The following RSF1 variants were observed in gnomAD, a reference collection of about 807,000 sequenced individuals.
The protein encoded by RSF1 is remodeling and spacing factor 1, also known as HBV pX-associated protein 8.
RSF1 carries 13 observed loss-of-function variants against 145.2 expected under a neutral mutation model. The ratio of observed to expected loss-of-function variants is 0.09; its 90% confidence interval spans 0.06 to 0.14. RSF1 has a LOEUF of 0.14. Ranked by LOEUF, RSF1 falls within the 10% of genes least tolerant of loss-of-function variation. The pLI is 1.00. For synonymous variants in RSF1, 577 were observed against 592.6 expected (o/e 0.97, Z 0.38); for missense variants, 1,517 against 1,718.2 (o/e 0.88, Z 2.07).
chr11:77,843,563 C>A, the RSF1 span, among the ~76,000 whole-genome samples: 1 of 152,158 alleles, frequency 6.6e-6, no homozygotes, highest in Non-Finnish European at 1.5e-5. Context: ...TATCTTGACG[C>A]CTCCACTGTA....
At chr11:77,803,895 C>T (rs182698533) in intron 1 of RSF1, among the ~76,000 whole-genome samples, 2 of 152,300 alleles carry the variant, frequency 1.3e-5, no homozygotes, top group East Asian at 1.9e-4. Context: ...GCCTGAGCAA[C>T]ATAGTGAGAC....
At chr11:77,764,504 T>A (rs1216510449) in intron 2 of RSF1, 94 bp downstream of exon 2, 1 of 741,030 alleles carries the variant, frequency 1.3e-6, no homozygotes, top group Admixed American at 2.4e-5. Context: ...TTTAGTAAAC[T>A]AATTAAAAAT....
chr11:77,855,720 CTTTT>C, the RSF1 span, among the ~76,000 whole-genome samples: 1 of 127,936 alleles, frequency 7.8e-6, no homozygotes. Flanking sequence ...AGTTTTATGT[CTTTT>C]TTTTTTTTTT....
At chr11:77,686,407 T>TGAAAAAAAAAAAAAAAAAAA (rs1565148154) in intron 9 of RSF1, among the ~76,000 whole-genome samples, 1 of 9,598 alleles carries the variant, frequency 1.0e-4, no homozygotes, top group Non-Finnish European at 1.7e-4. Flanking sequence ...AGACCCTGTC[T>TGAAAAAAAAAAAAAAAAAAA]CAAAAAAAAA....
At chr11:77,865,710 G>T in the RSF1 span, among the ~76,000 whole-genome samples, 1 of 152,158 alleles carries the variant, frequency 6.6e-6, no homozygotes. Flanking sequence ...TTTTGGAAAA[G>T]ATTTCCATTT....
intron 1 of RSF1, among the ~76,000 whole-genome samples, chr11:77,777,508 G>A (rs1255785921): frequency 2.6e-5 from 4 of 152,092 alleles, no homozygotes; most frequent in Non-Finnish European, 5.9e-5. Flanking sequence ...AAGGAGAATC[G>A]CTTGAACCTG....
At chr11:77,685,805 T>C (rs1369383639) in intron 9 of RSF1, among the ~76,000 whole-genome samples, 1 of 152,172 alleles carries the variant, frequency 6.6e-6, no homozygotes, top group Non-Finnish European at 1.5e-5. Context: ...ATTAGACAAA[T>C]TAGATCTTTG....
chr11:77,822,070 ATATT>A (rs909041219), upstream of RSF1, among the ~76,000 whole-genome samples: 2 of 152,164 alleles, frequency 1.3e-5, no homozygotes, highest in African/African-American at 4.8e-5. Context: ...GAATTCCGCT[ATATT>A]TATTTAGTCT....
At chr11:77,710,709 T>A (rs1468370933) in intron 5 of RSF1, among the ~76,000 whole-genome samples, 1 of 152,210 alleles carries the variant, frequency 6.6e-6, no homozygotes, top group East Asian at 1.9e-4. Flanking sequence ...TAAAAACTTT[T>A]AATTTATTAG....
chr11:77,669,845 G>C (rs1413715441), intron 15 of RSF1, among the ~76,000 whole-genome samples: 3 of 152,218 alleles, frequency 2.0e-5, no homozygotes, highest in Non-Finnish European at 4.4e-5. Flanking sequence ...CTGTATTACA[G>C]GGCAGGGTGC....
At chr11:77,754,396 G>A (rs929502511) in intron 2 of RSF1, among the ~76,000 whole-genome samples, 2 of 152,000 alleles carry the variant, frequency 1.3e-5, no homozygotes, top group Non-Finnish European at 2.9e-5. Flanking sequence ...GAACCCAGGA[G>A]TTTGAGACCA....
intron 5 of RSF1, chr11:77,717,580 G>A (rs1410398842): frequency 6.6e-6 from 1 of 152,214 alleles, no homozygotes; most frequent in African/African-American, 2.4e-5. Context: ...GAAGGATCCC[G>A]ACAGGGACTA....
At chr11:77,672,284 T>A in intron 14 of RSF1, 54 bp from the exon 15 acceptor site, 1 of 1,386,032 alleles carries the variant, frequency 7.2e-7, no homozygotes, top group Non-Finnish European at 9.8e-7. Context: ...TTTAGAAATG[T>A]AGCTTAGGTT....
chr11:77,849,832 T>C, the RSF1 span, among the ~76,000 whole-genome samples: 2 of 152,240 alleles, frequency 1.3e-5, no homozygotes, highest in East Asian at 1.9e-4. Context: ...TACATTCCTC[T>C]ATTCTTGGCT....
intron 9 of RSF1, among the ~76,000 whole-genome samples, chr11:77,689,230 C>A (rs766901658): frequency 5.3e-5 from 8 of 152,228 alleles, no homozygotes; most frequent in Non-Finnish European, 8.8e-5. Flanking sequence ...GTTTGCTATT[C>A]CAACAGTCCC....
the RSF1 span, among the ~76,000 whole-genome samples, chr11:77,834,563 T>C: frequency 2.7e-5 from 4 of 146,736 alleles, no homozygotes; most frequent in Non-Finnish European, 6.0e-5. Context: ...TACAAGTACA[T>C]ACCACCTCGT....
chr11:77,688,172 A>G (rs1399499514), intron 9 of RSF1, among the ~76,000 whole-genome samples: 1 of 152,066 alleles, frequency 6.6e-6, no homozygotes, highest in Non-Finnish European at 1.5e-5. Flanking sequence ...CGTGCCTGTA[A>G]TCCCAGCTAC....
the RSF1 span, among the ~76,000 whole-genome samples, chr11:77,826,386 C>G: frequency 6.6e-6 from 1 of 151,824 alleles, no homozygotes; most frequent in Non-Finnish European, 1.5e-5. Flanking sequence ...GGGGGACAGC[C>G]TGTATTATTA....
At chr11:77,824,427 TA>T (rs933914646), upstream of RSF1, among the ~76,000 whole-genome samples, 36 of 152,312 alleles carry the variant, frequency 2.4e-4, no homozygotes, top group African/African-American at 7.2e-4. Context: ...CATGTCCTAT[TA>T]GGGGGAAATA....
Sources: allele counts gnomAD v4.1 joint callset (sites outside exome capture counted in the v4.1 genomes callset), GRCh38; gene constraint gnomAD v4.1.1; transcripts MANE v1.5; gene names NCBI Gene and HGNC (gene_info 2026-07-23, HGNC 2026-07-21).